WDR93: variants seen among roughly 807,000 people sequenced by gnomAD.
WDR93 encodes WD repeat domain 93.
Under a neutral mutation model 82.9 loss-of-function variants are expected in WDR93, and 73 were observed. The observed-to-expected ratio is 0.88, with a 90% CI of 0.73 to 1.07. The LOEUF is 1.07. Ranked by LOEUF, WDR93 falls within the 50% of genes least tolerant of loss-of-function variation. WDR93 has a pLI of 0.00. For missense variants in WDR93, 738 were observed against 826.0 expected, an observed-to-expected ratio of 0.89 and a Z score of 1.31; for synonymous variants, 283 against 300.1, an observed-to-expected ratio of 0.94 and a Z score of 0.59.
chr15:89,734,847 A>T (rs981649008), intron 13 of WDR93, among the ~76,000 whole-genome samples: 2 of 152,100 alleles, frequency 1.3e-5, no homozygotes, highest in Non-Finnish European at 2.9e-5. Context: ...TATTAAAAAA[A>T]GAAAAAGAAT....
chr15:89,692,413 G>A (rs1964939509), intron 1 of WDR93, among the ~76,000 whole-genome samples: 2 of 152,296 alleles, frequency 1.3e-5, no homozygotes, highest in East Asian at 3.9e-4. Flanking sequence ...CTCTAAATAC[G>A]TGGCCCAGGT....
At chr15:89,702,673 G>A (rs1028959681) in intron 2 of WDR93, among the ~76,000 whole-genome samples, 47 of 151,948 alleles carry the variant, frequency 3.1e-4, no homozygotes, top group Admixed American at 3.1e-3. Context: ...CAAGTAGCTG[G>A]GATTACAGGG....
intron 8 of WDR93, among the ~76,000 whole-genome samples, chr15:89,726,001 A>G (rs1225513481): frequency 6.6e-6 from 1 of 152,258 alleles, no homozygotes; most frequent in Non-Finnish European, 1.5e-5. Flanking sequence ...TTTAATAACT[A>G]AAGATAAGCA....
intron 1 of WDR93, among the ~76,000 whole-genome samples, chr15:89,694,302 G>C (rs914807778): frequency 2.0e-5 from 3 of 147,040 alleles, no homozygotes; most frequent in African/African-American, 7.6e-5. Context: ...CCAGGCTGGA[G>C]TGCAGTGGCA....
intron 4 of WDR93, among the ~76,000 whole-genome samples, chr15:89,708,656 A>G (rs895120664): frequency 6.6e-6 from 1 of 152,230 alleles, no homozygotes; most frequent in Admixed American, 6.5e-5. Flanking sequence ...GGACACAGAC[A>G]GTCATAAAAG....
intron 13 of WDR93, among the ~76,000 whole-genome samples, chr15:89,733,780 C>T (rs533939377): frequency 6.6e-6 from 1 of 152,280 alleles, no homozygotes; most frequent in African/African-American, 2.4e-5. Context: ...GCCTCCAGAA[C>T]TGTAAGAAAT....
intron 13 of WDR93, among the ~76,000 whole-genome samples, chr15:89,734,223 G>C (rs141022284): frequency 1.3e-5 from 2 of 152,244 alleles, no homozygotes; most frequent in East Asian, 3.9e-4. Context: ...TAAGAAAATA[G>C]TCAGTGTTTA....
intron 7 of WDR93, among the ~76,000 whole-genome samples, chr15:89,719,909 T>C (rs1199559675): frequency 6.6e-6 from 1 of 151,854 alleles, no homozygotes; most frequent in African/African-American, 2.4e-5. Context: ...CAAGCAATTC[T>C]CTGCCTCAGC....
chr15:89,742,421 C>A (rs1360295345), intron 16 of WDR93, among the ~76,000 whole-genome samples: 3 of 152,110 alleles, frequency 2.0e-5, no homozygotes, highest in East Asian at 1.9e-4. Context: ...GACAGCCCCC[C>A]CTCCACCCTG....
intron 4 of WDR93, 132 bp downstream of exon 4, chr15:89,705,750 C>G: frequency 1.5e-6 from 1 of 668,044 alleles, no homozygotes; most frequent in African/African-American, 1.8e-5. Flanking sequence ...AGAGCCTCCT[C>G]CAAAATATCC....
intron 8 of WDR93, among the ~76,000 whole-genome samples, chr15:89,722,465 A>G (rs939847339): frequency 6.6e-6 from 1 of 152,228 alleles, no homozygotes; most frequent in Non-Finnish European, 1.5e-5. Context: ...TCATTCCTAC[A>G]TTCTTGTGTT....
intron 7 of WDR93, among the ~76,000 whole-genome samples, chr15:89,719,363 T>C (rs1184551483): frequency 6.6e-6 from 1 of 152,276 alleles, no homozygotes; most frequent in African/African-American, 2.4e-5. Context: ...GAGCTTTCTT[T>C]GTGGAACTAC....
At chr15:89,743,214 A>C in intron 16 of WDR93, 78 bp from the exon 17 acceptor site, 3 of 1,362,420 alleles carry the variant, frequency 2.2e-6, no homozygotes, top group Non-Finnish European at 3.1e-6. Context: ...AGCACAGGGT[A>C]GTCGAGGTCT....
At chr15:89,736,415 C>A (rs1432741995) in intron 14 of WDR93, among the ~76,000 whole-genome samples, 5 of 152,214 alleles carry the variant, frequency 3.3e-5, no homozygotes, top group African/African-American at 7.2e-5. Flanking sequence ...TGCTCACCAG[C>A]CAGGTACAGT....
chr15:89,716,881 T>G, intron 6 of WDR93, 30 bp from the exon 7 acceptor site: 1 of 1,495,134 alleles, frequency 6.7e-7, no homozygotes, highest in Non-Finnish European at 9.2e-7. Context: ...TCAAACCTAT[T>G]GTGAATTAAT....
intron 1 of WDR93, among the ~76,000 whole-genome samples, chr15:89,694,401 A>AT (rs1166156358): frequency 2.0e-5 from 3 of 151,794 alleles, no homozygotes; most frequent in South Asian, 2.1e-4. Context: ...TGCCCAGCTA[A>AT]TTTTTTGTAT....
intron 16 of WDR93, among the ~76,000 whole-genome samples, chr15:89,740,611 C>T (rs1461084817): frequency 2.0e-5 from 3 of 152,118 alleles, no homozygotes; most frequent in East Asian, 1.9e-4. Context: ...AAGCGATTCT[C>T]CTGCCTCAGC....
chr15:89,703,465 G>T, intron 3 of WDR93: 1 of 367,342 alleles, frequency 2.7e-6, no homozygotes, highest in Non-Finnish European at 5.0e-6. Context: ...AGGCAGTATG[G>T]CCCTGGAGTC....
chr15:89,716,838 T>C, intron 6 of WDR93, 73 bp from the exon 7 acceptor site: 2 of 1,047,168 alleles, frequency 1.9e-6, no homozygotes, highest in South Asian at 3.0e-5. Context: ...AGAGAGAGCA[T>C]GCCAGAAGAT....
Sources: gnomAD v4.1 joint callset for allele counts (sites outside exome capture counted in the v4.1 genomes callset) on GRCh38, gnomAD v4.1.1 for gene constraint, MANE v1.5 for transcripts, NCBI Gene and HGNC (gene_info 2026-07-23, HGNC 2026-07-21) for gene names.